TRERF1: variants seen among roughly 807,000 people sequenced by gnomAD.
TRERF1 encodes transcriptional-regulating factor 1.
TRERF1 carries 27 observed loss-of-function variants against 122.9 expected under a neutral mutation model. The observed-to-expected ratio is 0.22, with a 90% CI of 0.16 to 0.30. The LOEUF is 0.30. Ranked by LOEUF, TRERF1 falls within the 10% of genes least tolerant of loss-of-function variation. The pLI is 1.00. For synonymous variants in TRERF1, 636 were observed against 641.7 expected (o/e 0.99, Z 0.13); for missense variants, 1,248 against 1,560.3 (o/e 0.80, Z 3.37).
At chr6:42,353,484 A>G (rs1055642633) in intron 3 of TRERF1, among the ~76,000 whole-genome samples, 1 of 151,946 alleles carries the variant, frequency 6.6e-6, no homozygotes, top group Admixed American at 6.6e-5. Flanking sequence ...GCTACTCAGG[A>G]GGTTGAGGCA....
At position 42,423,698 on chromosome 6, in the gene TRERF1, T is replaced by A. The variant is rs116720939; in HGVS notation, c.-454+27479A>T. Among the ~76,000 whole-genome samples, 1,400 of 152,296 alleles carry A rather than the reference T, an allele frequency of 9.2e-3. 14 individuals carry two copies. The highest frequency in any genetic ancestry group is 0.034 in the Middle Eastern group (10 of 294). On this transcript the variant is annotated intron_variant, in intron 2 of 17. Coordinates refer to ENST00000372922, the Ensembl canonical transcript of TRERF1. ...ATATGCACCTAATATCATACTCCAA[T>A]TGCTAACATTTTATAATTCGGGTTA...
chr6:42,433,298 T>C (rs1343861313), intron 2 of TRERF1, among the ~76,000 whole-genome samples: 1 of 151,756 alleles, frequency 6.6e-6, no homozygotes, highest in African/African-American at 2.4e-5. Flanking sequence ...GAGCCCAAGA[T>C]ACCAGAAAAA....
At chr6:42,266,456 T>C (rs1779211533) in intron 5 of TRERF1, among the ~76,000 whole-genome samples, 1 of 152,226 alleles carries the variant, frequency 6.6e-6, no homozygotes. Context: ...TCCAAAGTGC[T>C]TGGATTATAG....
intron 3 of TRERF1, among the ~76,000 whole-genome samples, chr6:42,355,305 T>A (rs1389733835): frequency 6.6e-6 from 1 of 152,232 alleles, no homozygotes; most frequent in African/African-American, 2.4e-5. Context: ...TTGGAATTAA[T>A]GAGGTTATTA....
At chr6:42,394,944 CT>C (rs1778333177) in intron 2 of TRERF1, among the ~76,000 whole-genome samples, 1 of 152,208 alleles carries the variant, frequency 6.6e-6, no homozygotes, top group Non-Finnish European at 1.5e-5. Context: ...CCACAGCCCA[CT>C]TCGTTTAAAT....
chr6:42,295,750 C>T (rs1178905182), intron 4 of TRERF1, among the ~76,000 whole-genome samples: 1 of 152,038 alleles, frequency 6.6e-6, no homozygotes, highest in Non-Finnish European at 1.5e-5. Flanking sequence ...GATGAATAGA[C>T]TTTAATTTTA....
chr6:42,304,984 T>TGAACAGCTACTATATCCCAAAGGCCAAA (rs1483338906), intron 3 of TRERF1, among the ~76,000 whole-genome samples: 4 of 151,762 alleles, frequency 2.6e-5, no homozygotes, highest in Non-Finnish European at 5.9e-5. Context: ...GCAGGGGAGG[T>TGAACAGCTACTATATCCCAAAGGCCAAA]GAACAGCTAC....
chr6:42,238,957 C>T (rs1353904920), intron 15 of TRERF1, among the ~76,000 whole-genome samples: 1 of 152,092 alleles, frequency 6.6e-6, no homozygotes, highest in Non-Finnish European at 1.5e-5. Context: ...CTCAAGGTCA[C>T]ACAGCTGGTA....
intron 2 of TRERF1, among the ~76,000 whole-genome samples, chr6:42,387,794 T>TTTTTATTTTATTTTATTTTA (rs539342079): frequency 0.061 from 9,280 of 151,246 alleles, 374 homozygotes; most frequent in African/African-American, 0.099. Context: ...GATGCTACCT[T>TTTTTATTTTATTTTATTTTA]TTTTATTTTA....
intron 3 of TRERF1, among the ~76,000 whole-genome samples, chr6:42,348,253 TTC>T (rs1204179741): frequency 2.0e-5 from 3 of 152,014 alleles, no homozygotes; most frequent in African/African-American, 7.2e-5. Flanking sequence ...TTTCTTTTTC[TTC>T]TTTTTCTTTC....
chr6:42,375,459 C>T (rs6912036), intron 2 of TRERF1, among the ~76,000 whole-genome samples: 2,770 of 152,334 alleles, frequency 0.018, 82 homozygotes, highest in African/African-American at 0.062. Context: ...ACAGCTGTCT[C>T]GTCACCTCTC....
At chr6:42,261,606 G>C (rs554091362) in intron 8 of TRERF1, among the ~76,000 whole-genome samples, 3 of 152,076 alleles carry the variant, frequency 2.0e-5, no homozygotes, top group African/African-American at 7.2e-5. Flanking sequence ...GGCTGTGAGT[G>C]GGGGGCAGGT....
At position 42,315,470 on chromosome 6, in the gene TRERF1, G is replaced by T. The variant is rs116391710; in HGVS notation, c.-370-14721C>A. On this transcript the variant is annotated intron_variant, in intron 3 of 17. Transcript: ENST00000372922. ...GTGGCACATCCAGGTCTAGAGTATG[G>T]CACATTGGGATGAAAGAGAAGGGCG... Among the ~76,000 whole-genome samples, 634 of 152,288 alleles carry T rather than the reference G, an allele frequency of 4.2e-3. 2 individuals are homozygous for T. The highest frequency in any genetic ancestry group is 7.2e-3 in the Non-Finnish European group (491 of 68,020).
chr6:42,407,199 C>T (rs1780300069), intron 2 of TRERF1, among the ~76,000 whole-genome samples: 1 of 152,222 alleles, frequency 6.6e-6, no homozygotes, highest in Non-Finnish European at 1.5e-5. Context: ...AAATCTAAGT[C>T]TGCTCAACAA....
At chr6:42,288,074 C>T (rs1241943928) in intron 4 of TRERF1, among the ~76,000 whole-genome samples, 1 of 152,076 alleles carries the variant, frequency 6.6e-6, no homozygotes, top group East Asian at 1.9e-4. Flanking sequence ...AACCTAATGT[C>T]TTTCACGAAG....
intron 2 of TRERF1, among the ~76,000 whole-genome samples, chr6:42,378,500 T>G (rs1249796140): frequency 6.6e-6 from 1 of 152,224 alleles, no homozygotes; most frequent in Non-Finnish European, 1.5e-5. Context: ...AGTCATGGTT[T>G]CATCAAAAAG....
intron 3 of TRERF1, among the ~76,000 whole-genome samples, chr6:42,306,183 A>G (rs184100180): frequency 4.0e-5 from 6 of 151,604 alleles, no homozygotes; most frequent in South Asian, 2.1e-4. Flanking sequence ...TGTATTTTTA[A>G]TAGAATGGAG....
chr6:42,264,666 C>A (rs1048360072), intron 7 of TRERF1, 38 bp downstream of exon 7: 6 of 1,604,304 alleles, frequency 3.7e-6, no homozygotes, highest in Admixed American at 1.7e-5. Flanking sequence ...GCAAGCAGCA[C>A]ACGACCTAGA....
At chr6:42,415,949 C>T (rs1383890205) in intron 2 of TRERF1, among the ~76,000 whole-genome samples, 2 of 152,084 alleles carry the variant, frequency 1.3e-5, no homozygotes, top group Non-Finnish European at 2.9e-5. Flanking sequence ...CTGACTCTTT[C>T]TAGCCAAGAT....
Sources: allele counts gnomAD v4.1 joint callset (sites outside exome capture counted in the v4.1 genomes callset), GRCh38; gene constraint gnomAD v4.1.1; transcripts MANE v1.5; gene names NCBI Gene and HGNC (gene_info 2026-07-23, HGNC 2026-07-21).